The following MYO1D variants were observed in gnomAD, a reference collection of about 807,000 sequenced individuals.
MYO1D encodes unconventional myosin-Id.
A neutral mutation model predicts 122.0 loss-of-function variants in MYO1D; 83 were observed. The observed-to-expected ratio is 0.68, with a 90% CI of 0.57 to 0.82. The LOEUF is 0.82. Ranked by LOEUF, MYO1D falls within the 40% of genes least tolerant of loss-of-function variation. The probability of loss-of-function intolerance (pLI) is 0.00; values close to 1 mark genes in which losing one functional copy is unlikely to be tolerated. For missense variants in MYO1D, 1,157 were observed against 1,269.5 expected (o/e 0.91, Z 1.35); for synonymous variants, 464 against 446.9 (o/e 1.04, Z -0.48).
chr17:32,740,399 C>A (rs1433472567), intron 13 of MYO1D, among the ~76,000 whole-genome samples: 2 of 152,132 alleles, frequency 1.3e-5, no homozygotes, highest in African/African-American at 4.8e-5. Flanking sequence ...CGTTAAATAG[C>A]AGAATTGATA....
chr17:32,767,591 G>A (rs765754774), intron 7 of MYO1D, 45 bp downstream of exon 7: 1 of 1,273,996 alleles, frequency 7.8e-7, no homozygotes, highest in South Asian at 1.4e-5. Flanking sequence ...AAAGCATCCT[G>A]TTCTCAGCAG....
intron 1 of MYO1D, among the ~76,000 whole-genome samples, chr17:32,866,533 T>TCCTTATTCTAACTGATG (rs1450804589): frequency 1.3e-5 from 2 of 152,212 alleles, no homozygotes; most frequent in Non-Finnish European, 2.9e-5. Context: ...AATTCTCTAT[T>TCCTTATTCTAACTGATG]CCTTATTCTA....
chr17:32,766,699 G>A (rs1315688501), intron 7 of MYO1D, among the ~76,000 whole-genome samples: 1 of 152,148 alleles, frequency 6.6e-6, no homozygotes, highest in Non-Finnish European at 1.5e-5. Context: ...GGCTGAGGCA[G>A]GAGAATGGTA....
rs372164209 is a variant in MYO1D at position 32,745,261 on chromosome 17, G to C, written c.1563C>G (p.Asp521Glu). ...CTTGAAATAAAGTATCTTTATTTTT[G>C]TCAATAAAACCAATGACAGAATAGC... Reference protein sequence around the residue: ...DVVYSVIGFIDKNKDTLFQDF... With the variant: ...DVVYSVIGFIEKNKDTLFQDF... Residue 521 changes from aspartate (D) to glutamate (E), a missense_variant, in exon 13 of 22, where the codon GAC becomes GAG. By Grantham distance (45) the Asp-to-Glu change is conservative (BLOSUM62 2). Transcript: ENST00000318217. 1.3e-6 allele frequency: 2 copies of C among 1,548,834 alleles called. No individual in the cohort carries two copies. The highest frequency in any genetic ancestry group is 2.7e-5 in the African/African-American group (2 of 73,002).
chr17:32,846,017 C>CAA (rs1449167884), intron 1 of MYO1D, among the ~76,000 whole-genome samples: 2 of 151,744 alleles, frequency 1.3e-5, no homozygotes, highest in African/African-American at 4.8e-5. Context: ...GGAGAAGGTA[C>CAA]AACGAAAGCC....
chr17:32,556,065 A>G (rs564864159), intron 21 of MYO1D, among the ~76,000 whole-genome samples: 19 of 152,224 alleles, frequency 1.2e-4, no homozygotes, highest in Non-Finnish European at 2.1e-4. Context: ...TGTTTGCCCC[A>G]CTGGAATGTA....
At chr17:32,630,604 G>A (rs569284935) in intron 20 of MYO1D, among the ~76,000 whole-genome samples, 108 of 151,534 alleles carry the variant, frequency 7.1e-4, no homozygotes, top group African/African-American at 2.5e-3. Context: ...ATGGAGTCTC[G>A]CTCTGTTGCC....
At chr17:32,859,363 C>G (rs2091051355) in intron 1 of MYO1D, among the ~76,000 whole-genome samples, 1 of 152,138 alleles carries the variant, frequency 6.6e-6, no homozygotes, top group African/African-American at 2.4e-5. Flanking sequence ...CTGCTGTCAC[C>G]AAGACCATGC....
intron 1 of MYO1D, among the ~76,000 whole-genome samples, chr17:32,833,965 T>C (rs1598140586): frequency 6.6e-6 from 1 of 152,140 alleles, no homozygotes; most frequent in Non-Finnish European, 1.5e-5. Context: ...TATCACCAAC[T>C]AATGCACTAT....
At chr17:32,613,448 T>C (rs2087729036) in intron 20 of MYO1D, among the ~76,000 whole-genome samples, 2 of 152,108 alleles carry the variant, frequency 1.3e-5, no homozygotes, top group African/African-American at 2.4e-5. Flanking sequence ...TGAGCGTATA[T>C]TCACAAGGGT....
chr17:32,693,384 TA>T (rs200326686), intron 16 of MYO1D, among the ~76,000 whole-genome samples: 3,716 of 116,150 alleles, frequency 0.032, 109 homozygotes, highest in African/African-American at 0.098. Flanking sequence ...ACACCTCAAG[TA>T]AAAAAAAAAA....
chr17:32,849,322 C>G (rs1225466889), intron 1 of MYO1D, among the ~76,000 whole-genome samples: 1 of 148,938 alleles, frequency 6.7e-6, no homozygotes, highest in Non-Finnish European at 1.5e-5. Flanking sequence ...TGGGTATATA[C>G]CCAAAGGACT....
chr17:32,659,815 C>G (rs2291636), intron 16 of MYO1D, among the ~76,000 whole-genome samples: 5 of 152,060 alleles, frequency 3.3e-5, no homozygotes, highest in Non-Finnish European at 5.9e-5. Context: ...AGCCTGTGCA[C>G]CTCCTCTCCC....
intron 1 of MYO1D, among the ~76,000 whole-genome samples, chr17:32,858,190 A>G (rs1010130142): frequency 2.6e-5 from 4 of 152,222 alleles, no homozygotes; most frequent in African/African-American, 9.7e-5. Context: ...TCCAGTTTCA[A>G]TAAGTTCACA....
chr17:32,610,221 C>T lies in MYO1D; in HGVS notation c.2710-4980G>A, dbSNP rs114390832. On this transcript the variant is annotated intron_variant, in intron 20 of 21. Transcript: ENST00000318217. The stretch of plus-strand genomic sequence containing the variant: ...GGACAGGAGCCAATGACTCTGCTCT[C>T]GGCCACAACCCCCTCTCAGCGGGTG... Among the ~76,000 whole-genome samples, 1,119 of 152,182 alleles carry T rather than the reference C, an allele frequency of 7.4e-3. 11 individuals carry two copies. Among genetic ancestry groups the T allele is most frequent in the African/African-American group, 0.022 (895 of 41,510 alleles).
intron 16 of MYO1D, among the ~76,000 whole-genome samples, chr17:32,660,910 C>T (rs997011882): frequency 2.6e-5 from 4 of 152,098 alleles, no homozygotes; most frequent in Non-Finnish European, 5.9e-5. Flanking sequence ...GATTTAATTT[C>T]TTAGACAAAA....
intron 20 of MYO1D, among the ~76,000 whole-genome samples, chr17:32,623,832 C>T (rs2087885859): frequency 6.6e-6 from 1 of 152,164 alleles, no homozygotes; most frequent in East Asian, 1.9e-4. Context: ...TCGTAGTGTC[C>T]TCACATGGCA....
At chr17:32,632,064 T>C (rs181889152) in intron 20 of MYO1D, among the ~76,000 whole-genome samples, 1 of 151,136 alleles carries the variant, frequency 6.6e-6, no homozygotes, top group Non-Finnish European at 1.5e-5. Context: ...GTAGAAAATA[T>C]ATTCTCCTAA....
intron 21 of MYO1D, among the ~76,000 whole-genome samples, chr17:32,590,582 T>G (rs2087430539): frequency 1.3e-5 from 2 of 152,198 alleles, no homozygotes; most frequent in South Asian, 4.1e-4. Flanking sequence ...TGATGGGTGC[T>G]TAGTGAATGC....
Sources: allele counts gnomAD v4.1 joint callset (sites outside exome capture counted in the v4.1 genomes callset), GRCh38; gene constraint gnomAD v4.1.1; transcripts MANE v1.5; gene names NCBI Gene and HGNC (gene_info 2026-07-23, HGNC 2026-07-21).